The following PSD3 variants were observed in gnomAD, a reference collection of about 807,000 sequenced individuals.
PSD3 encodes pleckstrin and Sec7 domain containing 3.
In PSD3, 49 loss-of-function variants were observed where a neutral mutation model predicts 105.5. The observed-to-expected ratio is 0.46, with a 90% confidence interval of 0.37 to 0.59. PSD3 has a LOEUF of 0.59. PSD3 is among the 20% of genes least tolerant of loss of function. PSD3 has a pLI of 0.00. For synonymous variants in PSD3, 557 were observed against 457.8 expected, an observed-to-expected ratio of 1.22 and a Z score of -2.77; for missense variants, 1,561 against 1,263.8, an observed-to-expected ratio of 1.24 and a Z score of -3.57.
At chr8:18,883,759 T>C (rs1326161543) in intron 2 of PSD3, among the ~76,000 whole-genome samples, 1 of 152,228 alleles carries the variant, frequency 6.6e-6, no homozygotes, top group Non-Finnish European at 1.5e-5. Context: ...GATAAGATAC[T>C]ATGGAGAATG....
At chr8:18,599,725 A>G (rs1232217014) in intron 12 of PSD3, among the ~76,000 whole-genome samples, 1 of 152,178 alleles carries the variant, frequency 6.6e-6, no homozygotes, top group Admixed American at 6.5e-5. Context: ...AAACCCGAGT[A>G]TGCAGAAGCC....
chr8:18,578,756 T>C (rs1022720856), intron 12 of PSD3, among the ~76,000 whole-genome samples: 1 of 151,880 alleles, frequency 6.6e-6, no homozygotes, highest in Non-Finnish European at 1.5e-5. Flanking sequence ...AATTTAATGC[T>C]ACATTTATTA....
At chr8:18,937,329 C>T (rs893802679) in intron 1 of PSD3, among the ~76,000 whole-genome samples, 7 of 152,220 alleles carry the variant, frequency 4.6e-5, no homozygotes, top group African/African-American at 1.7e-4. Flanking sequence ...GGTTATGAGA[C>T]ATCATCTTTT....
chr8:18,620,255 G>C (rs561566143), intron 11 of PSD3, among the ~76,000 whole-genome samples: 1 of 151,722 alleles, frequency 6.6e-6, no homozygotes, highest in South Asian at 2.1e-4. Context: ...TTATGTCTTT[G>C]CCTGTAACTC....
At chr8:18,722,863 TTTTCTGAACTA>T (rs145545669) in intron 9 of PSD3, among the ~76,000 whole-genome samples, 4,368 of 152,282 alleles carry the variant, frequency 0.029, 96 homozygotes, top group Non-Finnish European at 0.044. Context: ...CAAACTCTAA[TTTTCTGAACTA>T]TTTCAGCACC....
At chr8:18,790,675 A>G (rs1376843755) in intron 8 of PSD3, among the ~76,000 whole-genome samples, 1 of 151,994 alleles carries the variant, frequency 6.6e-6, no homozygotes, top group Non-Finnish European at 1.5e-5. Context: ...CTTATTGTGG[A>G]GACAGAAAGA....
intron 9 of PSD3, among the ~76,000 whole-genome samples, chr8:18,682,003 CAA>C (rs10612158): frequency 0.11 from 12,372 of 115,380 alleles, 1,066 homozygotes; most frequent in East Asian, 0.24. Context: ...TTGCAATATT[CAA>C]AAAAAAAAAA....
At chr8:18,886,401 G>C (rs1586329361) in intron 2 of PSD3, among the ~76,000 whole-genome samples, 1 of 152,048 alleles carries the variant, frequency 6.6e-6, no homozygotes, top group African/African-American at 2.4e-5. Context: ...GGGCATCCCC[G>C]AATAAATGCA....
chr8:18,588,963 C>T (rs62498638), intron 12 of PSD3, among the ~76,000 whole-genome samples: 21,852 of 152,220 alleles, frequency 0.14, 1,762 homozygotes, highest in Middle Eastern at 0.31. Flanking sequence ...TTCAGAGAAA[C>T]GGTTTTGCCA....
intron 2 of PSD3, among the ~76,000 whole-genome samples, chr8:18,917,870 T>C (rs1189295940): frequency 6.6e-6 from 1 of 152,194 alleles, no homozygotes; most frequent in Non-Finnish European, 1.5e-5. Context: ...ATTCCTTTCA[T>C]GGAAGAGAAC....
At chr8:18,634,421 T>G (rs1452755310) in intron 10 of PSD3, among the ~76,000 whole-genome samples, 1 of 152,132 alleles carries the variant, frequency 6.6e-6, no homozygotes, top group Non-Finnish European at 1.5e-5. Context: ...ATTAACATCT[T>G]ATATATTAAT....
At chr8:18,935,497 C>A in intron 2 of PSD3, among the ~76,000 whole-genome samples, 1 of 147,380 alleles carries the variant, frequency 6.8e-6, no homozygotes, top group South Asian at 2.2e-4. Flanking sequence ...GTAGCATAGC[C>A]AGACCCTGTC....
chr8:18,713,919 G>T (rs760530054), intron 9 of PSD3, among the ~76,000 whole-genome samples: 28 of 152,072 alleles, frequency 1.8e-4, no homozygotes, highest in Non-Finnish European at 3.4e-4. Context: ...TATGGTACTG[G>T]TACAAAAAAC....
At chr8:18,988,004 C>G (rs78326025) in intron 1 of PSD3, among the ~76,000 whole-genome samples, 2 of 150,426 alleles carry the variant, frequency 1.3e-5, no homozygotes, top group Non-Finnish European at 3.0e-5. Flanking sequence ...GCAATAACAC[C>G]GAACAAAACA....
intron 4 of PSD3, among the ~76,000 whole-genome samples, chr8:18,864,490 AC>A (rs1202445991): frequency 6.6e-6 from 1 of 152,188 alleles, no homozygotes; most frequent in African/African-American, 2.4e-5. Flanking sequence ...CTAGCGACTA[AC>A]ACTTTATACA....
At chr8:18,706,532 T>C (rs944307772) in intron 9 of PSD3, among the ~76,000 whole-genome samples, 4 of 152,210 alleles carry the variant, frequency 2.6e-5, no homozygotes, top group African/African-American at 9.7e-5. Context: ...CCAAAGAAGA[T>C]TAGCAAAAAA....
intron 9 of PSD3, among the ~76,000 whole-genome samples, chr8:18,726,096 C>G (rs1291695726): frequency 6.6e-6 from 1 of 152,194 alleles, no homozygotes; most frequent in Non-Finnish European, 1.5e-5. Context: ...AGAAGACAAA[C>G]ACAAGAGGAG....
intron 11 of PSD3, among the ~76,000 whole-genome samples, chr8:18,626,374 T>C (rs1476780679): frequency 6.6e-6 from 1 of 152,176 alleles, no homozygotes; most frequent in Non-Finnish European, 1.5e-5. Context: ...TAAAACACTT[T>C]TTGTAATATT....
chr8:18,602,732 T>C (rs544346967), intron 11 of PSD3, among the ~76,000 whole-genome samples: 9 of 152,090 alleles, frequency 5.9e-5, no homozygotes, highest in Admixed American at 3.9e-4. Flanking sequence ...TGCACTAAAG[T>C]GGGCTGGGAA....
Sources: gnomAD v4.1 joint callset for allele counts (sites outside exome capture counted in the v4.1 genomes callset) on GRCh38, gnomAD v4.1.1 for gene constraint, MANE v1.5 for transcripts, NCBI Gene and HGNC (gene_info 2026-07-23, HGNC 2026-07-21) for gene names.